AADAT: variants seen among roughly 807,000 people sequenced by gnomAD.
The protein encoded by AADAT is aminoadipate aminotransferase.
A neutral mutation model predicts 56.2 loss-of-function variants in AADAT; 25 were observed. The ratio of observed to expected loss-of-function variants is 0.44; its 90% CI spans 0.32 to 0.62. The LOEUF (loss-of-function observed/expected upper bound fraction) is 0.62, where lower values mean the gene tolerates loss of function less well. AADAT is among the 20% of genes least tolerant of loss of function. The pLI is 0.04. For missense variants in AADAT, 387 were observed against 510.5 expected (o/e 0.76, Z 2.33); for synonymous variants, 173 against 164.7 (o/e 1.05, Z -0.39).
At chr4:170,081,604 G>C (rs1163840928) in intron 3 of AADAT, among the ~76,000 whole-genome samples, 1 of 152,182 alleles carries the variant, frequency 6.6e-6, no homozygotes, top group Non-Finnish European at 1.5e-5. Flanking sequence ...AATTTGTCTG[G>C]CAACAGACAT....
In AADAT at chr4:170,060,870, C is replaced by T; in HGVS notation, c.*58G>A. On this transcript the variant is annotated 3_prime_UTR_variant, in exon 13 of 13. Transcript: ENST00000337664. ...GTTCAAGTGATCCTCCCTCCTCTGCCTCCCAAAGTGCTGGGATTATAGGTG... is the reference window on the plus strand; with the variant it reads ...GTTCAAGTGATCCTCCCTCCTCTGCTTCCCAAAGTGCTGGGATTATAGGTG... 1 of 1,402,740 alleles carries T rather than the reference C, an allele frequency of 7.1e-7. No individual in the cohort carries two copies. The highest frequency in any genetic ancestry group is 9.6e-7 in the Non-Finnish European group (1 of 1,041,380). The allele number at this position is 1,402,740 out of a possible 1,614,324, so 86.9% of individuals were successfully genotyped here. A position where few individuals can be genotyped will look rare whatever the true frequency, so the allele number is the denominator to read the frequency against.
chr4:170,090,473 A>G (rs1732780614), upstream of AADAT: 1 of 152,226 alleles, frequency 6.6e-6, no homozygotes. Flanking sequence ...CCGGCGACCA[A>G]GACGAATTTC....
In AADAT at chr4:170,088,433, T is replaced by A. The variant is rs372381527; in HGVS notation, c.199A>T (p.Met67Leu). Residue 67 changes from methionine to leucine, a missense_variant, in exon 2 of 13, where the codon ATG becomes TTG. Transcript: ENST00000337664. ...GAATACTGAAGTGCTCTCTTCATCATCTCTTCTCCAAATTGGATGGTCTTT... is the reference window on the plus strand; with the variant it reads ...GAATACTGAAGTGCTCTCTTCATCAACTCTTCTCCAAATTGGATGGTCTTT... ...NGKTIQFGEE[M>L]MKRALQYSPS... 6.2e-7 allele frequency: 1 copy of A among 1,612,364 alleles called. No individual in the cohort carries two copies. Among genetic ancestry groups the A allele is most frequent in the South Asian group, 1.1e-5 (1 of 90,998 alleles).
chr4:170,066,344 A>ATT (rs1731460783), intron 10 of AADAT, 70 bp downstream of exon 10: 1 of 1,277,356 alleles, frequency 7.8e-7, no homozygotes, highest in African/African-American at 1.5e-5. Flanking sequence ...TGTTAGTAAT[A>ATT]TTCAGTGTTT....
intron 3 of AADAT, among the ~76,000 whole-genome samples, chr4:170,083,025 C>T (rs541790529): frequency 4.5e-4 from 67 of 150,500 alleles, no homozygotes; most frequent in African/African-American, 1.6e-3. Context: ...GATAAAACTA[C>T]ATACTAGATC....
chr4:170,086,576 A>C (rs543539130), intron 3 of AADAT, among the ~76,000 whole-genome samples: 2 of 152,282 alleles, frequency 1.3e-5, no homozygotes, highest in African/African-American at 4.8e-5. Flanking sequence ...GCCCTCTAAA[A>C]AATTTAAAAA....
At chr4:170,068,550 C>G (rs756011377) in intron 8 of AADAT, 41 bp downstream of exon 8, 14 of 1,409,344 alleles carry the variant, frequency 9.9e-6, no homozygotes, top group African/African-American at 3.7e-5. Context: ...AAATTCTAAT[C>G]TGATTACAAA....
chr4:170,072,223 A>ATG (rs960518213), intron 5 of AADAT, among the ~76,000 whole-genome samples: 4 of 150,964 alleles, frequency 2.6e-5, no homozygotes, highest in African/African-American at 4.9e-5. Flanking sequence ...GTGTGTGTGT[A>ATG]TGTGTGTGTG....
At chr4:170,090,819 T>C (rs188948809), upstream of AADAT, among the ~76,000 whole-genome samples, 1 of 152,300 alleles carries the variant, frequency 6.6e-6, no homozygotes, top group East Asian at 1.9e-4. Context: ...TCTTTGACTT[T>C]AAAAAATTCT....
intron 11 of AADAT, among the ~76,000 whole-genome samples, chr4:170,063,564 G>T (rs985890977): frequency 6.6e-6 from 1 of 152,252 alleles, no homozygotes; most frequent in Non-Finnish European, 1.5e-5. Context: ...ATTAGGGTTA[G>T]AACAATTAAT....
rs921720053 is a variant in AADAT at position 170,066,831 on chromosome 4, T to A, written c.963-353A>T. Among the ~76,000 whole-genome samples, 3 of 152,154 alleles carry A rather than the reference T, an allele frequency of 2.0e-5. No homozygotes were observed. In the East Asian group the frequency reaches 5.8e-4, roughly 29 times the overall value. On this transcript the variant is annotated intron_variant, in intron 9 of 12. Coordinates refer to ENST00000337664, the MANE Select transcript of AADAT (RefSeq NM_016228.4). The stretch of plus-strand genomic sequence containing the variant: ...TACTATTGAAATAATGAATCACCGG[T>A]CTGGGAATGCGAATACCCCATTCCT...
At chr4:170,068,138 C>CA (rs1217763818) in intron 8 of AADAT, among the ~76,000 whole-genome samples, 13,867 of 72,324 alleles carry the variant, frequency 0.19, 1,006 homozygotes, top group Non-Finnish European at 0.26. Flanking sequence ...GACTCTGTCT[C>CA]AAAAAAAAAA....
At chr4:170,068,486 T>G in intron 8 of AADAT, 105 bp downstream of exon 8, 20 of 756,210 alleles carry the variant, frequency 2.6e-5, no homozygotes, top group East Asian at 5.9e-5. Context: ...AGGCAAACTA[T>G]GAGTCACTAA....
chr4:170,071,568 T>C (rs1203822248), intron 5 of AADAT, among the ~76,000 whole-genome samples: 1 of 152,112 alleles, frequency 6.6e-6, no homozygotes, highest in Non-Finnish European at 1.5e-5. Flanking sequence ...TTATTTTAAC[T>C]GCAAGGAGAA....
At chr4:170,068,400 T>A (rs1731587316) in intron 8 of AADAT, among the ~76,000 whole-genome samples, 191 bp downstream of exon 8, 1 of 152,180 alleles carries the variant, frequency 6.6e-6, no homozygotes, top group Admixed American at 6.5e-5. Flanking sequence ...CACATTCTCT[T>A]AAATTAAGTT....
intron 11 of AADAT, among the ~76,000 whole-genome samples, chr4:170,062,944 A>G (rs1731264530): frequency 6.6e-6 from 1 of 151,984 alleles, no homozygotes; most frequent in Admixed American, 6.6e-5. Flanking sequence ...GTCAGAGATA[A>G]ATTTCTATTG....
At chr4:170,070,480 A>G in intron 6 of AADAT, 107 bp downstream of exon 6, 6 of 716,364 alleles carry the variant, frequency 8.4e-6, no homozygotes, top group Non-Finnish European at 1.4e-5. Context: ...TTTTCCATGT[A>G]AAAGTGGATT....
intron 12 of AADAT, among the ~76,000 whole-genome samples, 154 bp from the exon 13 acceptor site, chr4:170,061,123 A>G (rs1731166815): frequency 6.6e-6 from 1 of 152,230 alleles, no homozygotes; most frequent in South Asian, 2.1e-4. Context: ...TCTGTGCAGG[A>G]TGCCATCAAT....
chr4:170,092,088 T>G (rs1732865412), upstream of AADAT, among the ~76,000 whole-genome samples: 1 of 152,188 alleles, frequency 6.6e-6, no homozygotes, highest in African/African-American at 2.4e-5. Flanking sequence ...CAATTGGCTC[T>G]CTGTAAAATG....
Sources: gnomAD v4.1 joint callset for allele counts (sites outside exome capture counted in the v4.1 genomes callset) on GRCh38, gnomAD v4.1.1 for gene constraint, MANE v1.5 for transcripts, NCBI Gene and HGNC (gene_info 2026-07-23, HGNC 2026-07-21) for gene names.